COL11A1: variants seen among roughly 807,000 people sequenced by gnomAD.
COL11A1 encodes collagen alpha-1(XI) chain.
A neutral mutation model predicts 265.2 loss-of-function variants in COL11A1; 74 were observed. The observed-to-expected ratio is 0.28, with a 90% CI of 0.23 to 0.34. COL11A1 has a LOEUF of 0.34. COL11A1 is among the 10% of genes least tolerant of loss of function. COL11A1 has a pLI of 1.00. For synonymous variants in COL11A1, 816 were observed against 727.6 expected, an observed-to-expected ratio of 1.12 and a Z score of -1.96; for missense variants, 2,165 against 2,263.6, an observed-to-expected ratio of 0.96 and a Z score of 0.88.
At chr1:102,908,509 G>C (rs1369906402) in intron 54 of COL11A1, among the ~76,000 whole-genome samples, 2 of 151,914 alleles carry the variant, frequency 1.3e-5, no homozygotes, top group African/African-American at 2.4e-5. Context: ...GTTTACCTTT[G>C]ACATTTATGA....
chr1:103,008,339 C>G, intron 15 of COL11A1, 124 bp downstream of exon 15: 2 of 743,684 alleles, frequency 2.7e-6, no homozygotes, highest in South Asian at 1.6e-5. Flanking sequence ...AAAATAAACC[C>G]TCATACATCA....
At chr1:103,009,759 G>T (rs1387759218) in intron 14 of COL11A1, among the ~76,000 whole-genome samples, 2 of 152,036 alleles carry the variant, frequency 1.3e-5, no homozygotes, top group Non-Finnish European at 2.9e-5. Flanking sequence ...TGACTCCAAA[G>T]TAAAAGAAAT....
At position 102,979,120 on chromosome 1, in the gene COL11A1, C is replaced by G. The variant is rs746809316; in HGVS notation, c.2611-16G>C. Reference sequence around the variant, plus strand: ...CAGCTACTCCCTAGCAAAGACAGTTCAATTTCAATATGCAGTATATCACAG... The same window carrying G: ...CAGCTACTCCCTAGCAAAGACAGTTGAATTTCAATATGCAGTATATCACAG... On this transcript the variant is annotated splice_polypyrimidine_tract_variant and intron_variant, in intron 32 of 66. Coordinates refer to ENST00000370096, the MANE Select transcript of COL11A1 (RefSeq NM_001854.4). 1 of 1,613,290 alleles carries G rather than the reference C, an allele frequency of 6.2e-7. No homozygotes were observed. Among genetic ancestry groups the G allele is most frequent in the South Asian group, 1.1e-5 (1 of 91,050 alleles).
rs745350901 is a variant in COL11A1 at position 102,935,051 on chromosome 1, A to T, written c.3492+9T>A. 6.8e-6 allele frequency: 11 copies of T among 1,613,722 alleles called. No homozygotes were observed. The highest frequency in any genetic ancestry group is 9.3e-6 in the Non-Finnish European group (11 of 1,179,764). On this transcript the variant is annotated intron_variant, in intron 45 of 66. Coordinates refer to ENST00000370096, the MANE Select transcript of COL11A1 (RefSeq NM_001854.4). ...GATTTAGATTTGCTGAACAATGTGG[A>T]ATACTCACAGCAATTCCAGGGGCAC... is the stretch of plus-strand genomic sequence containing the variant.
chr1:103,021,914 C>T (rs1667111724), intron 8 of COL11A1, 145 bp from the exon 9 acceptor site: 1 of 660,940 alleles, frequency 1.5e-6, no homozygotes, highest in African/African-American at 1.8e-5. Flanking sequence ...GTGGCTCGAT[C>T]TCCGCTCACT....
At chr1:103,065,021 G>A (rs1284503282) in intron 4 of COL11A1, among the ~76,000 whole-genome samples, 1 of 152,148 alleles carries the variant, frequency 6.6e-6, no homozygotes, top group South Asian at 2.1e-4. Flanking sequence ...AACACCAAGA[G>A]TGAACATGTA....
chr1:102,923,307 C>G (rs1352485588), intron 47 of COL11A1, 29 bp downstream of exon 47: 1 of 1,578,570 alleles, frequency 6.3e-7, no homozygotes, highest in Non-Finnish European at 8.7e-7. Context: ...ATAACACATA[C>G]CCATCAAACA....
rs764897552 is a variant in COL11A1 at position 102,898,945 on chromosome 1, G to A, written c.4136C>T (p.Ala1379Val). The A allele has an allele frequency of 6.7e-7, 1 of 1,490,518 alleles. No homozygotes were observed. The highest frequency in any genetic ancestry group is 9.1e-7 in the Non-Finnish European group (1 of 1,098,874). 92.3% of individuals were successfully genotyped at this position (1,490,518 alleles called of 1,614,324 possible). ...GAEGRQGEKG[A>V]KGEAGAEGPP... ...TATATATTATTTTTTTTTTACCTTA[G>A]CACCTTTTTCACCTTGTCTTCCCTC... The change falls in exon 55 of 67, where the codon GCT (alanine) becomes GTT (valine). Residue 1379 changes from alanine (A) to valine (V), a missense_variant. Physicochemically the swap from Ala to Val is moderately conservative, Grantham distance 64. Transcript: ENST00000370096.
In COL11A1 at chr1:103,022,917, T is replaced by C; in HGVS notation, c.1070A>G (p.Asp357Gly). The change falls in exon 8 of 67, where the codon GAT becomes GGT. Residue 357 changes from aspartate (D) to glycine (G), a missense_variant. Coordinates refer to ENST00000370096, the MANE Select transcript of COL11A1 (RefSeq NM_001854.4). ...DYDSQRKNSE[D>G]TLYENKEIDG... ...TATTTCTTTGTTTTCATATAGTGTA[T>C]CCTCAGAATTTTTCCTCTGGGAATC... 1 of 1,613,764 alleles carries C rather than the reference T, an allele frequency of 6.2e-7. No homozygotes were observed. The highest frequency in any genetic ancestry group is 1.1e-5 in the South Asian group (1 of 91,076).
chr1:103,058,756 A>G (rs962015519), intron 4 of COL11A1, among the ~76,000 whole-genome samples: 2 of 152,188 alleles, frequency 1.3e-5, no homozygotes, highest in Non-Finnish European at 2.9e-5. Context: ...CAAAACATTT[A>G]TCACTTAAGT....
chr1:102,934,007 T>A (rs1022540336), intron 46 of COL11A1, among the ~76,000 whole-genome samples: 1 of 152,202 alleles, frequency 6.6e-6, no homozygotes, highest in Non-Finnish European at 1.5e-5. Flanking sequence ...CCTAGTGAGA[T>A]GAACCCGGTA....
intron 4 of COL11A1, among the ~76,000 whole-genome samples, chr1:103,037,575 G>C (rs78667033): frequency 6.6e-6 from 1 of 151,962 alleles, no homozygotes; most frequent in African/African-American, 2.4e-5. Context: ...TATGTGTTTG[G>C]ACCTTAATAG....
chr1:103,104,132 T>C (rs1674508594), intron 1 of COL11A1, among the ~76,000 whole-genome samples: 1 of 152,012 alleles, frequency 6.6e-6, no homozygotes, highest in Non-Finnish European at 1.5e-5. Context: ...AAATCTTATA[T>C]AAACACCTTT....
intron 1 of COL11A1, among the ~76,000 whole-genome samples, chr1:103,093,169 A>G (rs1673463374): frequency 6.6e-6 from 1 of 152,162 alleles, no homozygotes; most frequent in South Asian, 2.1e-4. Flanking sequence ...GAAGTTCAAT[A>G]TGATTCAAGA....
chr1:102,975,025 A>T, intron 35 of COL11A1, 142 bp from the exon 36 acceptor site: 1 of 694,632 alleles, frequency 1.4e-6, no homozygotes, highest in Non-Finnish European at 2.6e-6. Flanking sequence ...GTAATACAAC[A>T]CGATAGTAAG....
chr1:102,917,106 T>C (rs966823723), intron 49 of COL11A1, among the ~76,000 whole-genome samples: 2 of 151,740 alleles, frequency 1.3e-5, no homozygotes, highest in African/African-American at 4.8e-5. Flanking sequence ...GCCAAAGCAA[T>C]CTTAAGCAAA....
chr1:102,991,733 A>G (rs1664159000), intron 28 of COL11A1, among the ~76,000 whole-genome samples: 2 of 152,174 alleles, frequency 1.3e-5, no homozygotes. Flanking sequence ...ATTAAAGTCC[A>G]GAAAATACCA....
At chr1:102,958,018 T>G (rs922636523) in intron 41 of COL11A1, among the ~76,000 whole-genome samples, 7 of 152,146 alleles carry the variant, frequency 4.6e-5, no homozygotes, top group Non-Finnish European at 8.8e-5. Flanking sequence ...GCTTTTTCCT[T>G]AATACAAATA....
At chr1:103,099,688 G>A (rs1674084255) in intron 1 of COL11A1, among the ~76,000 whole-genome samples, 1 of 151,672 alleles carries the variant, frequency 6.6e-6, no homozygotes, top group African/African-American at 2.4e-5. Context: ...TTATGCTACG[G>A]TCAATACCAC....
Sources: gnomAD v4.1 joint callset for allele counts (sites outside exome capture counted in the v4.1 genomes callset) on GRCh38, gnomAD v4.1.1 for gene constraint, MANE v1.5 for transcripts, NCBI Gene and HGNC (gene_info 2026-07-23, HGNC 2026-07-21) for gene names.